The following HOMER1 variants were observed in gnomAD, a reference collection of about 807,000 sequenced individuals.
HOMER1 encodes the protein homer protein homolog 1.
Under a neutral mutation model 48.9 loss-of-function variants are expected in HOMER1, and 3 were observed. That is an observed-to-expected ratio of 0.06 (90% CI 0.03 to 0.16). The LOEUF (loss-of-function observed/expected upper bound fraction) is 0.16. HOMER1 is among the 10% of genes least tolerant of loss of function. The probability of loss-of-function intolerance (pLI) is 1.00; values close to 1 mark genes in which losing one functional copy is unlikely to be tolerated. For synonymous variants in HOMER1, 134 were observed against 146.4 expected (o/e 0.92, Z 0.61); for missense variants, 247 against 411.4 (o/e 0.60, Z 3.46).
Position 79,472,335 on chromosome 5 carries a change from G to C in HOMER1, c.6-15317C>G, listed in dbSNP as rs1163160248. ...TAAGCAAATACTTTTTTAATCCAAT[G>C]AATTTGCTTGCTTTTAAATACACAG... On this transcript the variant is annotated intron_variant, in intron 1 of 8. Coordinates refer to ENST00000334082, the MANE Select transcript of HOMER1 (RefSeq NM_004272.5). Among the ~76,000 whole-genome samples, 11 of 152,050 alleles carry C rather than the reference G, an allele frequency of 7.2e-5. 1 individual carries two copies. The East Asian group carries it at 2.1e-3, about 29-fold the overall frequency.
At chr5:79,485,838 A>G (rs1366058153) in intron 1 of HOMER1, among the ~76,000 whole-genome samples, 1 of 152,074 alleles carries the variant, frequency 6.6e-6, no homozygotes, top group Admixed American at 6.5e-5. Context: ...CTGCAACAGT[A>G]TCTCCTGTCC....
chr5:79,448,044 G>A (rs897164498), intron 3 of HOMER1, among the ~76,000 whole-genome samples: 1 of 152,096 alleles, frequency 6.6e-6, no homozygotes, highest in Admixed American at 6.6e-5. Context: ...ATTTTGGAAG[G>A]AAAGGCCTGT....
intron 1 of HOMER1, among the ~76,000 whole-genome samples, chr5:79,473,426 T>A (rs1751675715): frequency 6.6e-6 from 1 of 152,192 alleles, no homozygotes; most frequent in African/African-American, 2.4e-5. Flanking sequence ...GCCAAAAGAT[T>A]GGACACCCTT....
At chr5:79,503,625 G>A (rs540505408) in intron 1 of HOMER1, among the ~76,000 whole-genome samples, 3 of 150,570 alleles carry the variant, frequency 2.0e-5, no homozygotes, top group African/African-American at 4.9e-5. Context: ...TGGTTCACCC[G>A]AGGTCAGAAG....
chr5:79,497,316 G>T (rs1255217248), intron 1 of HOMER1, among the ~76,000 whole-genome samples: 1 of 151,980 alleles, frequency 6.6e-6, no homozygotes, highest in Non-Finnish European at 1.5e-5. Flanking sequence ...GGTTTAAAAA[G>T]ATTAGAGACC....
chr5:79,443,642 T>A (rs1332941318), intron 4 of HOMER1, among the ~76,000 whole-genome samples: 1 of 152,202 alleles, frequency 6.6e-6, no homozygotes, highest in African/African-American at 2.4e-5. Context: ...AGGCATTTAG[T>A]ACTATATGCT....
intron 2 of HOMER1, among the ~76,000 whole-genome samples, chr5:79,451,825 T>C (rs1302430646): frequency 1.3e-5 from 2 of 152,036 alleles, no homozygotes; most frequent in Non-Finnish European, 2.9e-5. Context: ...CCTCCCAAAG[T>C]GCTGGGATTA....
At chr5:79,469,189 T>C (rs9293784) in intron 1 of HOMER1, among the ~76,000 whole-genome samples, 40,601 of 152,120 alleles carry the variant, frequency 0.27, 5,565 homozygotes, top group South Asian at 0.39. Context: ...GTGGAGGTAA[T>C]GGAGGAGTAA....
chr5:79,500,994 A>ACACAC (rs1491137703), intron 1 of HOMER1, among the ~76,000 whole-genome samples: 3 of 143,146 alleles, frequency 2.1e-5, no homozygotes, highest in African/African-American at 7.9e-5. Flanking sequence ...ACACACACAC[A>ACACAC]AGGTCTGGCT....
At chr5:79,388,023 G>A (rs898456264) in intron 8 of HOMER1, among the ~76,000 whole-genome samples, 6 of 152,188 alleles carry the variant, frequency 3.9e-5, no homozygotes, top group African/African-American at 1.4e-4. Context: ...TGGGGGCAAT[G>A]CCCAGAAGAG....
chr5:79,395,978 A>G (rs189177008), intron 8 of HOMER1, among the ~76,000 whole-genome samples: 17 of 152,112 alleles, frequency 1.1e-4, no homozygotes, highest in Non-Finnish European at 1.9e-4. Context: ...CTTATCTCAG[A>G]TTCCTCACTC....
intron 8 of HOMER1, among the ~76,000 whole-genome samples, chr5:79,376,663 T>C (rs1748779928): frequency 6.6e-6 from 1 of 152,240 alleles, no homozygotes; most frequent in South Asian, 2.1e-4. Context: ...AGTAACTCTC[T>C]AAAATGTGAT....
At chr5:79,382,253 AC>A (rs1749001370) in intron 8 of HOMER1, among the ~76,000 whole-genome samples, 1 of 152,212 alleles carries the variant, frequency 6.6e-6, no homozygotes, top group Non-Finnish European at 1.5e-5. Flanking sequence ...TTAATGAAAT[AC>A]CAGATGAAAA....
chr5:79,417,474 A>C (rs1293373541), intron 5 of HOMER1, among the ~76,000 whole-genome samples: 2 of 152,208 alleles, frequency 1.3e-5, no homozygotes, highest in Non-Finnish European at 2.9e-5. Context: ...ACCATTGATT[A>C]AAAGCTTTCT....
intron 1 of HOMER1, among the ~76,000 whole-genome samples, chr5:79,485,626 T>C (rs1304359301): frequency 3.3e-5 from 5 of 152,196 alleles, no homozygotes; most frequent in Admixed American, 3.3e-4. Context: ...ATAACACCCA[T>C]GGACTTTAAA....
At chr5:79,418,006 T>C (rs1749990236) in intron 5 of HOMER1, among the ~76,000 whole-genome samples, 4 of 152,214 alleles carry the variant, frequency 2.6e-5, no homozygotes. Flanking sequence ...TCATTAGCCA[T>C]GATTTGAATC....
chr5:79,487,507 A>G (rs772521912), intron 1 of HOMER1, among the ~76,000 whole-genome samples: 8 of 152,182 alleles, frequency 5.3e-5, no homozygotes, highest in Non-Finnish European at 8.8e-5. Context: ...TCTAGCAACA[A>G]GTTCACCACA....
At chr5:79,409,530 A>G (rs1749760656) in intron 5 of HOMER1, among the ~76,000 whole-genome samples, 1 of 152,164 alleles carries the variant, frequency 6.6e-6, no homozygotes, top group Non-Finnish European at 1.5e-5. Flanking sequence ...AAAAACAGGT[A>G]AGGTGGACTA....
At chr5:79,378,592 T>C (rs1365158989) in intron 8 of HOMER1, among the ~76,000 whole-genome samples, 1 of 152,164 alleles carries the variant, frequency 6.6e-6, no homozygotes, top group East Asian at 1.9e-4. Flanking sequence ...TGAGATCAAA[T>C]GTAAAAATTC....
Sources: allele counts gnomAD v4.1 joint callset (sites outside exome capture counted in the v4.1 genomes callset), GRCh38; gene constraint gnomAD v4.1.1; transcripts MANE v1.5; gene names NCBI Gene and HGNC (gene_info 2026-07-23, HGNC 2026-07-21).